Variants in MS4A14 observed in about 807,000 individuals in gnomAD.
MS4A14 encodes membrane spanning 4-domains A14, also known as membrane-spanning 4-domains subfamily A member 14.
Under a neutral mutation model 16.7 loss-of-function variants are expected in MS4A14, and 18 were observed. The observed-to-expected ratio is 1.08, with a 90% CI of 0.75 to 1.60. The LOEUF (loss-of-function observed/expected upper bound fraction) is 1.60, where lower values mean the gene tolerates loss of function less well. MS4A14 is among the 40% of genes most tolerant of loss of function. The pLI, the probability that MS4A14 is intolerant of heterozygous loss-of-function variation, is 0.00. For missense variants in MS4A14, 812 were observed against 775.3 expected, an observed-to-expected ratio of 1.05 and a Z score of -0.56; for synonymous variants, 305 against 289.4, an observed-to-expected ratio of 1.05 and a Z score of -0.55.
At chr11:60,412,152 T>A (rs965688701) in intron 4 of MS4A14, among the ~76,000 whole-genome samples, 3 of 151,926 alleles carry the variant, frequency 2.0e-5, no homozygotes. Flanking sequence ...TTGTTGGCAA[T>A]TTTTGTATCT....
At chr11:60,409,399 G>A (rs995790999) in intron 4 of MS4A14, among the ~76,000 whole-genome samples, 2 of 151,908 alleles carry the variant, frequency 1.3e-5, no homozygotes, top group African/African-American at 2.4e-5. Context: ...GATTCCAAAT[G>A]TGTGTGAGAT....
rs1296681401 is a variant in MS4A14, at chr11:60,415,911, A to G, written c.943A>G (p.Ile315Val). 6.2e-7 allele frequency: 1 copy of G among 1,613,974 alleles called. No individual in the cohort carries two copies. Among genetic ancestry groups the G allele is most frequent in the Non-Finnish European group, 8.5e-7 (1 of 1,179,948 alleles). Residue 315 changes from isoleucine (I) to valine (V), a missense_variant, in exon 5 of 5, where the codon ATA becomes GTA. Physicochemically the swap from Ile to Val is conservative, Grantham distance 29. Coordinates refer to ENST00000300187, the MANE Select transcript of MS4A14 (RefSeq NM_032597.5). ...CCATTCTGCACTAAAACTCGAAGAT[A>G]TATCACCTGAAGACTTGCCATCCCA... ...PSHSALKLED[I>V]SPEDLPSQAL...
At chr11:60,415,409 T>C (rs1290201851) in intron 4 of MS4A14, 28 bp from the exon 5 acceptor site, 3 of 1,549,472 alleles carry the variant, frequency 1.9e-6, no homozygotes, top group Admixed American at 2.1e-5. Context: ...TTCTGTCATA[T>C]TAATTACCCT....
intron 4 of MS4A14, among the ~76,000 whole-genome samples, chr11:60,407,205 G>A (rs71488455): frequency 6.6e-6 from 1 of 151,548 alleles, no homozygotes; most frequent in Non-Finnish European, 1.5e-5. Flanking sequence ...TTTTTTTGTA[G>A]AAATAGGGTT....
At chr11:60,399,226 A>G (rs1185837628) in intron 2 of MS4A14, among the ~76,000 whole-genome samples, 1 of 152,214 alleles carries the variant, frequency 6.6e-6, no homozygotes, top group Non-Finnish European at 1.5e-5. Flanking sequence ...GTGCTCTAAG[A>G]GGAGAGTTCC....
At chr11:60,408,311 G>A (rs1162153917) in intron 4 of MS4A14, among the ~76,000 whole-genome samples, 1 of 152,058 alleles carries the variant, frequency 6.6e-6, no homozygotes, top group African/African-American at 2.4e-5. Flanking sequence ...GCATTGTGGT[G>A]AAATATATAT....
chr11:60,402,759 T>C (rs933191566), intron 3 of MS4A14, among the ~76,000 whole-genome samples, 153 bp from the exon 4 acceptor site: 3 of 152,184 alleles, frequency 2.0e-5, no homozygotes, highest in Non-Finnish European at 4.4e-5. Flanking sequence ...GAGTTAGAAT[T>C]TAGTTTATTA....
At chr11:60,400,000 G>A (rs998740040) in intron 2 of MS4A14, among the ~76,000 whole-genome samples, 1 of 152,118 alleles carries the variant, frequency 6.6e-6, no homozygotes, top group African/African-American at 2.4e-5. Flanking sequence ...AACTACACTA[G>A]ATATCAGTCC....
intron 4 of MS4A14, among the ~76,000 whole-genome samples, chr11:60,409,446 A>G (rs1419884621): frequency 6.6e-6 from 1 of 151,852 alleles, no homozygotes; most frequent in African/African-American, 2.4e-5. Flanking sequence ...GGCTTATTTC[A>G]CTTAATATAA....
In MS4A14 at chr11:60,396,481, C is replaced by A; in HGVS notation, c.-98C>A. On this transcript the variant is annotated 5_prime_UTR_variant, in exon 1 of 5. Transcript: ENST00000300187. ...AGTAGAGTCATCACTAAGGGCTCAT[C>A]TCTGAGGGCTCCATGTGACTCTGGT... The A allele has an allele frequency of 7.2e-7, 1 of 1,393,486 alleles. No homozygotes were observed. The highest frequency in any genetic ancestry group is 9.8e-7 in the Non-Finnish European group (1 of 1,020,818). The allele number at this position is 1,393,486 out of a possible 1,614,324, so 86.3% of individuals were successfully genotyped here.
Position 60,417,015 on chromosome 11 carries a change from G to A in MS4A14, c.*7G>A, listed in dbSNP as rs2085958642. The A allele has an allele frequency of 1.3e-6, 2 of 1,599,654 alleles. No individual in the cohort carries two copies. Among genetic ancestry groups the A allele is most frequent in the African/African-American group, 1.3e-5 (1 of 74,094 alleles). On this transcript the variant is annotated 3_prime_UTR_variant, in exon 5 of 5. Transcript: ENST00000300187. ...GAATCCCCTGACTGGATAACTCAGGGCTGGAGAAACAAAGATTATAAAGCA... is the reference window on the plus strand; with the variant it reads ...GAATCCCCTGACTGGATAACTCAGGACTGGAGAAACAAAGATTATAAAGCA...
Position 60,416,178 on chromosome 11 carries a change from G to A in MS4A14, c.1210G>A (p.Asp404Asn). 6.2e-7 allele frequency: 1 copy of A among 1,613,552 alleles called. No homozygotes were observed. The highest frequency in any genetic ancestry group is 1.1e-5 in the South Asian group (1 of 91,050). The part of the protein sequence containing the change: ...AMPPQDIPSQ[D>N]MLSQALSAHA... ...GCCACCTCAAGACATACCTTCCCAA[G>A]ATATGCTATCCCAAGCTCTATCAGC... The change falls in exon 5 of 5, where the codon GAT becomes AAT. Residue 404 changes from aspartate (D) to asparagine (N), a missense_variant. Physicochemically the swap from Asp to Asn is conservative, Grantham distance 23. Transcript: ENST00000300187.
rs185708225 is a variant in MS4A14, at chr11:60,415,876, T to A, written c.908T>A (p.Val303Asp). The A allele has an allele frequency of 6.5e-5, 105 of 1,613,806 alleles. No individual in the cohort carries two copies. In the East Asian group the frequency reaches 1.8e-3, roughly 27 times the overall value. ...CAGGACCAAGCTGCGTCACTCCAAGTTTTTCCATCCCATTCTGCACTAAAA... is the reference window on the plus strand; with the variant it reads ...CAGGACCAAGCTGCGTCACTCCAAGATTTTCCATCCCATTCTGCACTAAAA... Reference protein sequence around the residue: ...LLQDQAASLQVFPSHSALKLE... With the variant: ...LLQDQAASLQDFPSHSALKLE... Residue 303 changes from valine (V) to aspartate (D), a missense_variant, in exon 5 of 5, where the codon GTT becomes GAT. Val to Asp is a radical substitution (Grantham distance 152). Transcript: ENST00000300187.
At position 60,417,139 on chromosome 11, in the gene MS4A14, G is replaced by A; in HGVS notation, c.*131G>A. ...CTCTATACCAAGAAGTCCAAACCCA[G>A]CACGCAACAGCCCAACATAACCTAG... On this transcript the variant is annotated 3_prime_UTR_variant, in exon 5 of 5. Coordinates refer to ENST00000300187, the MANE Select transcript of MS4A14 (RefSeq NM_032597.5). 1 of 1,089,620 alleles carries A rather than the reference G, an allele frequency of 9.2e-7. No homozygotes were observed. The highest frequency in any genetic ancestry group is 1.3e-6 in the Non-Finnish European group (1 of 786,502). 67.5% of individuals were successfully genotyped at this position (1,089,620 alleles called of 1,614,324 possible). A position where few individuals can be genotyped will look rare whatever the true frequency, so the allele number is the denominator to read the frequency against.
At chr11:60,404,369 C>CT (rs369119202) in intron 4 of MS4A14, among the ~76,000 whole-genome samples, 17 of 152,326 alleles carry the variant, frequency 1.1e-4, no homozygotes, top group African/African-American at 4.1e-4. Flanking sequence ...GGGCTGACCC[C>CT]TGTCCTAAAG....
chr11:60,398,011 A>C (rs1214940316), intron 2 of MS4A14, 31 bp downstream of exon 2: 2 of 1,609,070 alleles, frequency 1.2e-6, no homozygotes, highest in African/African-American at 2.7e-5. Flanking sequence ...GCTTTGGAGA[A>C]ATTGCTATAA....
chr11:60,412,860 T>C (rs2135149766), intron 4 of MS4A14, among the ~76,000 whole-genome samples: 1 of 152,086 alleles, frequency 6.6e-6, no homozygotes, highest in Non-Finnish European at 1.5e-5. Context: ...AGTTTTAGAA[T>C]TCGTTTATTG....
intron 2 of MS4A14, 104 bp downstream of exon 2, chr11:60,398,084 G>C (rs1216302258): frequency 3.9e-6 from 5 of 1,274,418 alleles, no homozygotes; most frequent in East Asian, 2.6e-5. Context: ...CCCTCCAGGA[G>C]ACCAAAAAAG....
chr11:60,406,086 G>A (rs2085782472), intron 4 of MS4A14: 1 of 736,662 alleles, frequency 1.4e-6, no homozygotes, highest in Non-Finnish European at 2.0e-6. Context: ...AGGAAAAGCA[G>A]CATGCTCAGA....
Sources: allele counts gnomAD v4.1 joint callset (sites outside exome capture counted in the v4.1 genomes callset), GRCh38; gene constraint gnomAD v4.1.1; transcripts MANE v1.5; gene names NCBI Gene and HGNC (gene_info 2026-07-23, HGNC 2026-07-21).